Variants in TANC2 observed in about 807,000 individuals in gnomAD.
TANC2 encodes protein TANC2.
In TANC2, 26 loss-of-function variants were observed where a neutral mutation model predicts 210.5. The ratio of observed to expected loss-of-function variants is 0.12; its 90% CI spans 0.09 to 0.17. TANC2 has a LOEUF of 0.17. Ranked by LOEUF, TANC2 falls within the 10% of genes least tolerant of loss-of-function variation. TANC2 has a pLI of 1.00. For missense variants in TANC2, 2,129 were observed against 2,608.9 expected, an observed-to-expected ratio of 0.82 and a Z score of 4.01; for synonymous variants, 931 against 967.1, an observed-to-expected ratio of 0.96 and a Z score of 0.69.
intron 14 of TANC2, among the ~76,000 whole-genome samples, chr17:63,359,684 A>C (rs1244257606): frequency 6.6e-6 from 1 of 152,168 alleles, no homozygotes; most frequent in African/African-American, 2.4e-5. Context: ...AATAAGATAC[A>C]AGAAGCTTGT....
At chr17:63,192,378 T>G (rs2041214858) in intron 5 of TANC2, among the ~76,000 whole-genome samples, 1 of 152,228 alleles carries the variant, frequency 6.6e-6, no homozygotes, top group South Asian at 2.1e-4. Context: ...AAAGTAGTAA[T>G]GTAGAAAGGG....
At chr17:63,095,168 G>A (rs2037341358) in intron 3 of TANC2, among the ~76,000 whole-genome samples, 1 of 151,940 alleles carries the variant, frequency 6.6e-6, no homozygotes, top group Non-Finnish European at 1.5e-5. Flanking sequence ...GAGCAGAGAG[G>A]TTTTTCTTTG....
chr17:63,194,630 A>C (rs1004208935), intron 6 of TANC2, among the ~76,000 whole-genome samples: 2 of 152,186 alleles, frequency 1.3e-5, no homozygotes, highest in Non-Finnish European at 2.9e-5. Context: ...ATTTAAAACT[A>C]ATATTTCTTT....
At chr17:63,055,194 T>C (rs1186057756) in intron 2 of TANC2, among the ~76,000 whole-genome samples, 2 of 152,202 alleles carry the variant, frequency 1.3e-5, no homozygotes, top group African/African-American at 4.8e-5. Flanking sequence ...GGAATATTCC[T>C]ACATAAATGA....
At chr17:63,262,685 T>C (rs1018152487) in intron 8 of TANC2, among the ~76,000 whole-genome samples, 1 of 149,136 alleles carries the variant, frequency 6.7e-6, no homozygotes, top group Admixed American at 6.8e-5. Flanking sequence ...CAAAAGAAAA[T>C]AGACTTCAGT....
At chr17:63,160,625 G>T (rs1235103117) in intron 5 of TANC2, among the ~76,000 whole-genome samples, 2 of 152,086 alleles carry the variant, frequency 1.3e-5, no homozygotes, top group Admixed American at 6.6e-5. Flanking sequence ...ACTAATTGCT[G>T]AATGATTGTT....
intron 13 of TANC2, among the ~76,000 whole-genome samples, chr17:63,351,771 A>G (rs2046618908): frequency 6.6e-6 from 1 of 152,116 alleles, no homozygotes; most frequent in African/African-American, 2.4e-5. Flanking sequence ...GCTATGCAAA[A>G]TTCAGTTCAA....
chr17:63,125,383 T>TA (rs1325487283), intron 4 of TANC2, among the ~76,000 whole-genome samples: 1 of 152,252 alleles, frequency 6.6e-6, no homozygotes, highest in African/African-American at 2.4e-5. Flanking sequence ...TACCTTTCTT[T>TA]AAAGTCCTGT....
intron 9 of TANC2, 128 bp downstream of exon 9, chr17:63,268,001 A>G: frequency 9.4e-7 from 1 of 1,060,366 alleles, no homozygotes; most frequent in Non-Finnish European, 1.3e-6. Context: ...GATCCATTTT[A>G]GCATGTGACC....
chr17:63,076,434 C>G (rs1424102655), intron 3 of TANC2, among the ~76,000 whole-genome samples: 1 of 151,630 alleles, frequency 6.6e-6, no homozygotes, highest in Non-Finnish European at 1.5e-5. Flanking sequence ...AGAATCTGAC[C>G]AAAAAAAGGA....
At chr17:63,252,623 A>G (rs1225632996) in intron 8 of TANC2, among the ~76,000 whole-genome samples, 1 of 152,022 alleles carries the variant, frequency 6.6e-6, no homozygotes, top group East Asian at 1.9e-4. Flanking sequence ...GCTCTCACAT[A>G]TGACTGAGAA....
intron 2 of TANC2, among the ~76,000 whole-genome samples, chr17:63,027,230 A>T (rs1278283443): frequency 6.6e-6 from 1 of 152,136 alleles, no homozygotes; most frequent in Non-Finnish European, 1.5e-5. Context: ...ATTGCTGAAG[A>T]TCGGTTACTG....
Position 63,060,504 on chromosome 17 carries a change from C to G in TANC2, c.68-13439C>G, listed in dbSNP as rs191785573. On this transcript the variant is annotated intron_variant, in intron 2 of 27. Coordinates refer to ENST00000689528, the Ensembl canonical transcript of TANC2. Reference sequence around the variant, plus strand: ...GGCATGGTGGTGGGCGCCTGTAATCCCAGCTACTCAGGAGGCTGAGGCAGG... The same window carrying G: ...GGCATGGTGGTGGGCGCCTGTAATCGCAGCTACTCAGGAGGCTGAGGCAGG... 2.4e-3 allele frequency among the ~76,000 whole-genome samples: 363 copies of G among 152,154 alleles called. 6 individuals are homozygous for G. The highest frequency in any genetic ancestry group is 8.6e-3 in the African/African-American group (357 of 41,506).
intron 2 of TANC2, among the ~76,000 whole-genome samples, chr17:63,061,362 T>A (rs2144532099): frequency 6.6e-6 from 1 of 152,082 alleles, no homozygotes; most frequent in South Asian, 2.1e-4. Flanking sequence ...AGCGAAACTC[T>A]GTCTCAAAGA....
At chr17:63,111,636 G>T (rs1399022678) in intron 4 of TANC2, among the ~76,000 whole-genome samples, 1 of 151,764 alleles carries the variant, frequency 6.6e-6, no homozygotes, top group East Asian at 1.9e-4. Context: ...TCTTTTTCAG[G>T]CACAATCTGT....
At position 63,099,172 on chromosome 17, in the gene TANC2, C is replaced by T. The variant is rs756135364; in HGVS notation, c.140-3C>T. On this transcript the variant is annotated splice_region_variant and splice_polypyrimidine_tract_variant and intron_variant, in intron 3 of 27. Coordinates refer to ENST00000689528, the Ensembl canonical transcript of TANC2. ...GCTCTTTTGTTCCATCCCCTTCTAA[C>T]AGGTGGCATCTCCACAGAAAGCGAC... The T allele has an allele frequency of 1.2e-6, 2 of 1,610,278 alleles. No homozygotes were observed. Among genetic ancestry groups the T allele is most frequent in the Non-Finnish European group, 8.5e-7 (1 of 1,178,178 alleles).
At chr17:62,991,654 CAAAA>C (rs893224137) in intron 1 of TANC2, among the ~76,000 whole-genome samples, 2 of 145,738 alleles carry the variant, frequency 1.4e-5, no homozygotes, top group South Asian at 2.2e-4. Context: ...AAAAAAAAAA[CAAAA>C]AAACAAACAA....
intron 2 of TANC2, among the ~76,000 whole-genome samples, chr17:63,047,826 AT>A (rs1478068065): frequency 6.6e-6 from 1 of 152,200 alleles, no homozygotes; most frequent in Admixed American, 6.5e-5. Flanking sequence ...TACTTAATGA[AT>A]TTTATGTGGC....
chr17:62,975,249 G>A (rs2031934174), intron 1 of TANC2, among the ~76,000 whole-genome samples: 1 of 152,138 alleles, frequency 6.6e-6, no homozygotes, highest in African/African-American at 2.4e-5. Context: ...CTTTCATTGG[G>A]TGGAGGAATC....
Sources: allele counts gnomAD v4.1 joint callset (sites outside exome capture counted in the v4.1 genomes callset), GRCh38; gene constraint gnomAD v4.1.1; transcripts MANE v1.5; gene names NCBI Gene and HGNC (gene_info 2026-07-23, HGNC 2026-07-21).